Variants in MAGI2 observed in about 807,000 individuals in gnomAD.
MAGI2 encodes membrane-associated guanylate kinase, WW and PDZ domain-containing protein 2.
Under a neutral mutation model 133.3 loss-of-function variants are expected in MAGI2, and 35 were observed. The ratio of observed to expected loss-of-function variants is 0.26; its 90% CI spans 0.20 to 0.35. MAGI2 has a LOEUF of 0.35. Among genes scored for constraint, MAGI2 ranks in the 10% least tolerant of loss-of-function variants. The pLI is 1.00. For synonymous variants in MAGI2, 729 were observed against 710.6 expected (o/e 1.03, Z -0.41); for missense variants, 1,636 against 1,863.4 (o/e 0.88, Z 2.25).
chr7:79,353,381 C>T (rs1250551066), intron 1 of MAGI2: 1 of 446,436 alleles, frequency 2.2e-6, no homozygotes, highest in African/African-American at 2.0e-5. Context: ...CTGTCTCTGG[C>T]TGTGGCATCT....
intron 2 of MAGI2, among the ~76,000 whole-genome samples, chr7:78,659,216 C>T (rs942925193): frequency 2.6e-5 from 4 of 151,552 alleles, no homozygotes; most frequent in South Asian, 4.2e-4. Flanking sequence ...TTTGGGAGGC[C>T]GAGGCAGGCG....
chr7:79,157,922 G>A (rs1383733499), intron 1 of MAGI2, among the ~76,000 whole-genome samples: 2 of 112,902 alleles, frequency 1.8e-5, no homozygotes, highest in Non-Finnish European at 3.7e-5. Flanking sequence ...TGAAGTAAAT[G>A]CTACAGAATC....
chr7:78,703,925 C>CAA (rs3086232), intron 2 of MAGI2, among the ~76,000 whole-genome samples: 105,629 of 151,626 alleles, frequency 0.7, 37,074 homozygotes, highest in East Asian at 0.83. Context: ...AAAATCAACT[C>CAA]GTTAGATTAA....
At chr7:78,372,988 A>ATG (rs60067535) in intron 6 of MAGI2, among the ~76,000 whole-genome samples, 116,406 of 151,648 alleles carry the variant, frequency 0.77, 44,932 homozygotes, top group African/African-American at 0.84. Flanking sequence ...AAATAACCTT[A>ATG]TGTGTGTGTA....
intron 3 of MAGI2, among the ~76,000 whole-genome samples, chr7:78,568,804 T>C (rs944941804): frequency 6.6e-6 from 1 of 152,102 alleles, no homozygotes; most frequent in Non-Finnish European, 1.5e-5. Flanking sequence ...AAAAAAAACA[T>C]GTAAGTCAGA....
chr7:78,500,137 T>C, intron 5 of MAGI2, among the ~76,000 whole-genome samples: 1 of 152,134 alleles, frequency 6.6e-6, no homozygotes, highest in East Asian at 1.9e-4. Flanking sequence ...GAGCACTGAG[T>C]AATTACCTGA....
At chr7:79,187,625 T>C (rs1291049440) in intron 1 of MAGI2, among the ~76,000 whole-genome samples, 1 of 151,888 alleles carries the variant, frequency 6.6e-6, no homozygotes, top group Non-Finnish European at 1.5e-5. Flanking sequence ...AAGTAGCTGA[T>C]AGTAGATCTG....
chr7:78,495,145 G>T (rs1301249438), intron 5 of MAGI2, among the ~76,000 whole-genome samples: 1 of 152,046 alleles, frequency 6.6e-6, no homozygotes, highest in East Asian at 1.9e-4. Context: ...TAAGTTCTGG[G>T]GTACATGTGC....
chr7:78,378,780 T>C (rs898922784), intron 6 of MAGI2, among the ~76,000 whole-genome samples: 5 of 152,020 alleles, frequency 3.3e-5, no homozygotes, highest in African/African-American at 1.2e-4. Context: ...ATGGTAATCA[T>C]TCAACACATT....
intron 1 of MAGI2, among the ~76,000 whole-genome samples, chr7:79,041,590 G>A (rs547368231): frequency 6.6e-6 from 1 of 152,042 alleles, no homozygotes. Context: ...CTAAATCTGA[G>A]GCTTTCTCAT....
At chr7:78,300,947 T>G (rs938185230) in intron 9 of MAGI2, among the ~76,000 whole-genome samples, 4 of 152,220 alleles carry the variant, frequency 2.6e-5, no homozygotes, top group Non-Finnish European at 5.9e-5. Context: ...CAAAACATAT[T>G]GAGTCTGGCA....
chr7:79,240,358 GAAAA>G, intron 1 of MAGI2, among the ~76,000 whole-genome samples: 1 of 88,430 alleles, frequency 1.1e-5, no homozygotes. Context: ...TTATCAGAAT[GAAAA>G]AAAAAAAAAA....
At chr7:79,274,862 C>G (rs926247447) in intron 1 of MAGI2, among the ~76,000 whole-genome samples, 1 of 152,142 alleles carries the variant, frequency 6.6e-6, no homozygotes, top group Non-Finnish European at 1.5e-5. Context: ...TTATTGTGAT[C>G]TGTGATCAGT....
chr7:78,340,199 A>G (rs1180988460), intron 9 of MAGI2, among the ~76,000 whole-genome samples: 1 of 152,212 alleles, frequency 6.6e-6, no homozygotes, highest in Non-Finnish European at 1.5e-5. Flanking sequence ...GAAAAACATG[A>G]CAATGGGGAT....
intron 1 of MAGI2, among the ~76,000 whole-genome samples, chr7:79,040,895 G>A (rs374762436): frequency 3.3e-4 from 50 of 152,280 alleles, no homozygotes; most frequent in African/African-American, 1.2e-3. Context: ...TTTCTTCATA[G>A]CAGTGTGAGA....
chr7:78,260,307 C>T (rs540708831), intron 9 of MAGI2, among the ~76,000 whole-genome samples: 6 of 152,224 alleles, frequency 3.9e-5, no homozygotes, highest in South Asian at 2.1e-4. Flanking sequence ...TGTCATCTGA[C>T]GGTGCCATGC....
At chr7:78,850,246 T>C (rs746447775) in intron 2 of MAGI2, among the ~76,000 whole-genome samples, 24 of 152,078 alleles carry the variant, frequency 1.6e-4, no homozygotes, top group Non-Finnish European at 1.8e-4. Context: ...CCAAGATCTG[T>C]CATCCAGCAG....
At chr7:79,027,664 G>T (rs1345849897) in intron 1 of MAGI2, among the ~76,000 whole-genome samples, 1 of 152,114 alleles carries the variant, frequency 6.6e-6, no homozygotes, top group Non-Finnish European at 1.5e-5. Context: ...AAATTGCTGA[G>T]AGTAAATTTC....
chr7:78,504,687 G>A (rs1051284396), intron 4 of MAGI2, among the ~76,000 whole-genome samples: 1 of 152,122 alleles, frequency 6.6e-6, no homozygotes, highest in South Asian at 2.1e-4. Context: ...ATATCCTCTA[G>A]AAATAAAGGC....
Sources: gnomAD v4.1 joint callset for allele counts (sites outside exome capture counted in the v4.1 genomes callset) on GRCh38, gnomAD v4.1.1 for gene constraint, MANE v1.5 for transcripts, NCBI Gene and HGNC (gene_info 2026-07-23, HGNC 2026-07-21) for gene names.